Variants in LRP1B observed in about 807,000 individuals in gnomAD.
LRP1B encodes the protein low-density lipoprotein receptor-related protein 1B.
Under a neutral mutation model 556.6 loss-of-function variants are expected in LRP1B, and 217 were observed. The ratio of observed to expected loss-of-function variants is 0.39; its 90% CI spans 0.35 to 0.44. The LOEUF (loss-of-function observed/expected upper bound fraction) is 0.44, where lower values mean the gene tolerates loss of function less well. Ranked by LOEUF, LRP1B falls within the 20% of genes least tolerant of loss-of-function variation. The pLI is 1.00. For synonymous variants in LRP1B, 2,047 were observed against 1,865.8 expected (o/e 1.10, Z -2.50); for missense variants, 5,053 against 5,620.8 (o/e 0.90, Z 3.23).
chr2:140,377,471 A>G (rs1683286139), intron 68 of LRP1B, among the ~76,000 whole-genome samples: 1 of 152,114 alleles, frequency 6.6e-6, no homozygotes, highest in South Asian at 2.1e-4. Context: ...GGGATATGAG[A>G]GCTTGGGGTC....
At chr2:141,458,431 G>A (rs575134527) in intron 3 of LRP1B, among the ~76,000 whole-genome samples, 30 of 152,200 alleles carry the variant, frequency 2.0e-4, no homozygotes, top group Non-Finnish European at 3.8e-4. Flanking sequence ...TTTTGGCAAC[G>A]TATTTAGCCT....
intron 3 of LRP1B, among the ~76,000 whole-genome samples, chr2:141,312,941 A>C (rs920942496): frequency 1.3e-5 from 2 of 152,090 alleles, no homozygotes; most frequent in Non-Finnish European, 2.9e-5. Context: ...TCGACCTCCC[A>C]AAGTGCTGGG....
intron 3 of LRP1B, among the ~76,000 whole-genome samples, chr2:141,325,255 A>C (rs181560158): frequency 3.9e-5 from 6 of 152,158 alleles, no homozygotes; most frequent in Admixed American, 3.9e-4. Context: ...CTTTGGGCAG[A>C]TATCACTTGG....
intron 7 of LRP1B, among the ~76,000 whole-genome samples, chr2:141,155,126 A>T (rs1307234385): frequency 6.6e-6 from 1 of 151,952 alleles, no homozygotes; most frequent in Non-Finnish European, 1.5e-5. Flanking sequence ...TAATCTGACC[A>T]CTTGTTAGAG....
intron 27 of LRP1B, among the ~76,000 whole-genome samples, chr2:140,854,074 AAAG>A (rs1406086839): frequency 1.3e-4 from 20 of 151,504 alleles, no homozygotes; most frequent in South Asian, 6.2e-4. Flanking sequence ...AAAAAAAAAA[AAAG>A]AAGAAAATGA....
chr2:141,174,785 T>A (rs941891695), intron 7 of LRP1B, among the ~76,000 whole-genome samples: 2 of 151,970 alleles, frequency 1.3e-5, no homozygotes, highest in Non-Finnish European at 2.9e-5. Flanking sequence ...CAGTCAGAGG[T>A]TGAAACAGTT....
At chr2:140,479,547 A>C (rs1688135936) in intron 59 of LRP1B, among the ~76,000 whole-genome samples, 2 of 152,160 alleles carry the variant, frequency 1.3e-5, no homozygotes, top group South Asian at 4.1e-4. Context: ...TTATAGTTGA[A>C]TATTATACAT....
intron 49 of LRP1B, among the ~76,000 whole-genome samples, chr2:140,522,022 T>G (rs183096168): frequency 5.5e-4 from 83 of 152,124 alleles, no homozygotes; most frequent in Admixed American, 4.3e-3. Flanking sequence ...GTGACATCAT[T>G]CGGTCAATGA....
At chr2:140,347,036 T>C (rs1373357969) in intron 77 of LRP1B, among the ~76,000 whole-genome samples, 1 of 151,984 alleles carries the variant, frequency 6.6e-6, no homozygotes, top group Non-Finnish European at 1.5e-5. Flanking sequence ...AGGTTTTTAG[T>C]GGTAAAAATT....
At chr2:141,368,641 G>A (rs555558217) in intron 3 of LRP1B, among the ~76,000 whole-genome samples, 103 of 152,196 alleles carry the variant, frequency 6.8e-4, no homozygotes, top group Non-Finnish European at 1.2e-3. Flanking sequence ...CTGATTTTAC[G>A]CTTGGGAATG....
At chr2:140,457,696 G>GAA in intron 60 of LRP1B, 45 bp from the exon 61 acceptor site, 1 of 1,490,146 alleles carries the variant, frequency 6.7e-7, no homozygotes, top group Non-Finnish European at 9.3e-7. Context: ...TTGGAAGACT[G>GAA]CCAGTTAAAA....
chr2:141,806,646 C>T (rs1359999524), intron 2 of LRP1B, among the ~76,000 whole-genome samples: 1 of 151,952 alleles, frequency 6.6e-6, no homozygotes, highest in African/African-American at 2.4e-5. Flanking sequence ...AGAGAATACC[C>T]TAGATCCTGG....
intron 27 of LRP1B, among the ~76,000 whole-genome samples, chr2:140,865,055 T>C (rs1184463840): frequency 6.6e-6 from 1 of 152,084 alleles, no homozygotes; most frequent in East Asian, 1.9e-4. Flanking sequence ...ATATTTAAAA[T>C]ACCCACTACT....
At chr2:140,481,674 T>C (rs879171904) in intron 59 of LRP1B, among the ~76,000 whole-genome samples, 1 of 151,358 alleles carries the variant, frequency 6.6e-6, no homozygotes, top group Admixed American at 6.6e-5. Flanking sequence ...CACTTTCTTG[T>C]ATTTTTCTCT....
At chr2:140,782,673 T>C (rs1425744763) in intron 32 of LRP1B, among the ~76,000 whole-genome samples, 2 of 152,186 alleles carry the variant, frequency 1.3e-5, no homozygotes, top group Non-Finnish European at 1.5e-5. Flanking sequence ...ATGTTAAATA[T>C]GTTAATATTG....
At chr2:140,810,736 G>GT (rs938518776) in intron 32 of LRP1B, among the ~76,000 whole-genome samples, 51 of 152,146 alleles carry the variant, frequency 3.4e-4, no homozygotes, top group African/African-American at 1.1e-3. Flanking sequence ...GCATTACGAG[G>GT]TTTTTTGTTG....
In LRP1B at chr2:141,442,601, C is replaced by T. The variant is rs569177674; in HGVS notation, c.343+37795G>A. Among the ~76,000 whole-genome samples, 7 of 152,078 alleles carry T rather than the reference C, an allele frequency of 4.6e-5. No homozygotes were observed. In the South Asian group the frequency reaches 1.2e-3, roughly 27 times the overall value. The stretch of plus-strand genomic sequence containing the variant: ...CTCAGCCCCCAACCTGCAAACATGC[C>T]CCAGTGTGTGATGTTCCCCTCCCTG... On this transcript the variant is annotated intron_variant, in intron 3 of 90. Transcript: ENST00000389484.
At chr2:141,599,289 C>G (rs991945449) in intron 2 of LRP1B, among the ~76,000 whole-genome samples, 1 of 151,924 alleles carries the variant, frequency 6.6e-6, no homozygotes, top group Admixed American at 6.6e-5. Flanking sequence ...CTCCATTTGG[C>G]TTTTTTAATT....
intron 20 of LRP1B, among the ~76,000 whole-genome samples, chr2:140,929,384 A>G (rs776560576): frequency 1.1e-4 from 17 of 152,110 alleles, no homozygotes; most frequent in Non-Finnish European, 1.8e-4. Context: ...AGAGTCAGGC[A>G]GAGGAAAAAA....
Sources: gnomAD v4.1 joint callset for allele counts (sites outside exome capture counted in the v4.1 genomes callset) on GRCh38, gnomAD v4.1.1 for gene constraint, MANE v1.5 for transcripts, NCBI Gene and HGNC (gene_info 2026-07-23, HGNC 2026-07-21) for gene names.